SORCS2: variants seen among roughly 807,000 people sequenced by gnomAD.
The protein encoded by SORCS2 is VPS10 domain-containing receptor SorCS2.
A neutral mutation model predicts 141.6 loss-of-function variants in SORCS2; 100 were observed. The ratio of observed to expected loss-of-function variants is 0.71; its 90% CI spans 0.60 to 0.83. The LOEUF is 0.83. Ranked by LOEUF, SORCS2 falls within the 40% of genes least tolerant of loss-of-function variation. The pLI, the probability that SORCS2 is intolerant of heterozygous loss-of-function variation, is 0.00. For missense variants in SORCS2, 1,646 were observed against 1,560.2 expected, an observed-to-expected ratio of 1.05 and a Z score of -0.93; for synonymous variants, 789 against 676.9, an observed-to-expected ratio of 1.17 and a Z score of -2.57.
chr4:7,533,459 C>T (rs972645408), intron 3 of SORCS2, among the ~76,000 whole-genome samples: 2 of 152,210 alleles, frequency 1.3e-5, no homozygotes, highest in African/African-American at 4.8e-5. Context: ...CCTGGCCCAG[C>T]TTCGAGTTCC....
intron 14 of SORCS2, among the ~76,000 whole-genome samples, chr4:7,706,593 G>C (rs1725478174): frequency 7.0e-6 from 1 of 143,146 alleles, no homozygotes; most frequent in East Asian, 2.2e-4. Flanking sequence ...GTCTGGGCAG[G>C]GATGAGGCTG....
chr4:7,433,808 T>C (rs1206458690), intron 2 of SORCS2: 2 of 1,613,582 alleles, frequency 1.2e-6, no homozygotes, highest in African/African-American at 2.7e-5. Flanking sequence ...TTGCACACCT[T>C]CTCTGGGGTG....
At chr4:7,609,742 C>T (rs74965653) in intron 3 of SORCS2, among the ~76,000 whole-genome samples, 61 of 152,312 alleles carry the variant, frequency 4.0e-4, no homozygotes, top group African/African-American at 1.4e-3. Flanking sequence ...CCCCACCGCC[C>T]CCATGACCCG....
At chr4:7,262,372 A>G (rs1183678772) in intron 1 of SORCS2, among the ~76,000 whole-genome samples, 4 of 135,112 alleles carry the variant, frequency 3.0e-5, no homozygotes, top group African/African-American at 8.0e-5. Flanking sequence ...CCACCTATCC[A>G]TCTATCCATC....
At chr4:7,661,609 C>T (rs779613507) in intron 6 of SORCS2, 45 bp downstream of exon 6, 217 of 1,528,928 alleles carry the variant, frequency 1.4e-4, no homozygotes, top group Non-Finnish European at 1.8e-4. Context: ...TGAGTCACCT[C>T]GCACCCGACA....
chr4:7,327,684 T>C (rs1396892909), intron 1 of SORCS2, among the ~76,000 whole-genome samples: 2 of 152,220 alleles, frequency 1.3e-5, no homozygotes, highest in African/African-American at 2.4e-5. Context: ...GGGACGTCTC[T>C]TGTCTCTTGT....
At chr4:7,634,310 T>C (rs1174858163) in intron 3 of SORCS2, among the ~76,000 whole-genome samples, 1 of 151,866 alleles carries the variant, frequency 6.6e-6, no homozygotes, top group African/African-American at 2.4e-5. Flanking sequence ...GAGGCAGAGT[T>C]TGCGGTAAGA....
chr4:7,381,987 A>T, intron 1 of SORCS2: 1 of 985,732 alleles, frequency 1.0e-6, no homozygotes, highest in African/African-American at 1.7e-5. Context: ...CAGAGGAAAC[A>T]GGCAGGTGAA....
intron 1 of SORCS2, among the ~76,000 whole-genome samples, chr4:7,377,141 C>T (rs547716307): frequency 6.6e-5 from 10 of 152,272 alleles, no homozygotes; most frequent in African/African-American, 2.4e-4. Context: ...CACATTGTAC[C>T]ATGGGTATTT....
At chr4:7,444,561 G>A (rs1727872788) in intron 2 of SORCS2, among the ~76,000 whole-genome samples, 1 of 152,254 alleles carries the variant, frequency 6.6e-6, no homozygotes, top group Non-Finnish European at 1.5e-5. Context: ...GGAGTGATGG[G>A]GGCAGGAGCA....
intron 1 of SORCS2, among the ~76,000 whole-genome samples, chr4:7,342,052 T>G (rs1720398150): frequency 6.6e-6 from 1 of 152,230 alleles, no homozygotes; most frequent in African/African-American, 2.4e-5. Context: ...CATGGCTGAG[T>G]AATATTCCGT....
At chr4:7,293,139 C>T (rs1716726557) in intron 1 of SORCS2, among the ~76,000 whole-genome samples, 1 of 151,988 alleles carries the variant, frequency 6.6e-6, no homozygotes, top group South Asian at 2.1e-4. Context: ...CCTGTCTCTA[C>T]TAAAAATACA....
intron 1 of SORCS2, among the ~76,000 whole-genome samples, chr4:7,375,726 A>G (rs1722595576): frequency 1.3e-5 from 2 of 152,196 alleles, no homozygotes; most frequent in African/African-American, 4.8e-5. Context: ...TGCAATACAC[A>G]TCCACCCCAA....
Position 7,572,938 on chromosome 4 carries a change from A to G in SORCS2, c.648+41309A>G, listed in dbSNP as rs149592656. Reference sequence around the variant, plus strand: ...ACGGACAACATTTCATAACATTGGAAATATTTCCAAACATCCATTTCTAAA... The same window carrying G: ...ACGGACAACATTTCATAACATTGGAGATATTTCCAAACATCCATTTCTAAA... On this transcript the variant is annotated intron_variant, in intron 3 of 26. Coordinates refer to ENST00000507866, the MANE Select transcript of SORCS2 (RefSeq NM_020777.3). Among the ~76,000 whole-genome samples, 138 of 152,334 alleles carry G rather than the reference A, an allele frequency of 9.1e-4. 5 individuals are homozygous for G. In the East Asian group the frequency reaches 0.025, roughly 28 times the overall value.
chr4:7,266,929 C>A (rs1167212467), intron 1 of SORCS2, among the ~76,000 whole-genome samples: 1 of 151,094 alleles, frequency 6.6e-6, no homozygotes, highest in East Asian at 2.0e-4. Flanking sequence ...GACGGTGGCT[C>A]ATCACAGTGC....
chr4:7,517,452 G>A (rs1733060933), intron 2 of SORCS2, among the ~76,000 whole-genome samples: 1 of 152,136 alleles, frequency 6.6e-6, no homozygotes, highest in Non-Finnish European at 1.5e-5. Context: ...TTGTGTCTTG[G>A]GCATTTTTTC....
chr4:7,627,236 C>T (rs758432818), intron 3 of SORCS2, among the ~76,000 whole-genome samples: 5 of 152,174 alleles, frequency 3.3e-5, no homozygotes, highest in African/African-American at 7.2e-5. Flanking sequence ...TCACCCACCT[C>T]GGCCTCTCAA....
intron 3 of SORCS2, among the ~76,000 whole-genome samples, chr4:7,604,752 CTT>C: frequency 6.6e-6 from 1 of 152,308 alleles, no homozygotes; most frequent in East Asian, 1.9e-4. Context: ...TCAATTAAAA[CTT>C]TTTCCTTTAT....
intron 3 of SORCS2, among the ~76,000 whole-genome samples, chr4:7,560,421 G>A (rs1014840065): frequency 5.9e-5 from 9 of 152,142 alleles, no homozygotes; most frequent in Non-Finnish European, 1.3e-4. Context: ...CTGTCAGGTA[G>A]ACAGGGGCTG....
Sources: gnomAD v4.1 joint callset for allele counts (sites outside exome capture counted in the v4.1 genomes callset) on GRCh38, gnomAD v4.1.1 for gene constraint, MANE v1.5 for transcripts, NCBI Gene and HGNC (gene_info 2026-07-23, HGNC 2026-07-21) for gene names.